LY86: variants seen among roughly 807,000 people sequenced by gnomAD.
LY86 encodes the protein lymphocyte antigen 86.
In LY86, 20 loss-of-function variants were observed where a neutral mutation model predicts 17.3. That is an observed-to-expected ratio of 1.15 (90% CI 0.81 to 1.68). The LOEUF is 1.68. Ranked by LOEUF, LY86 falls within the 40% of genes most tolerant of loss-of-function variation. The pLI is 0.00. For missense variants in LY86, 200 were observed against 191.9 expected (o/e 1.04, Z -0.25); for synonymous variants, 74 against 70.6 (o/e 1.05, Z -0.24).
intron 3 of LY86, among the ~76,000 whole-genome samples, chr6:6,639,104 T>G (rs1000194144): frequency 4.6e-5 from 7 of 152,066 alleles, no homozygotes; most frequent in Non-Finnish European, 8.8e-5. Flanking sequence ...CCATAAAAAA[T>G]GATGAGTTCA....
rs575579322 is a variant in LY86 at position 6,650,634 on chromosome 6, C to T, written c.405+957C>T. 1.1e-4 allele frequency among the ~76,000 whole-genome samples: 17 copies of T among 152,188 alleles called. No individual in the cohort carries two copies. The East Asian group carries it at 3.3e-3, about 29-fold the overall frequency. On this transcript the variant is annotated intron_variant, in intron 4 of 4. Coordinates refer to ENST00000230568, the MANE Select transcript of LY86 (RefSeq NM_004271.4). ...AGGCCCCTCAGAGAATCTTATGGAA[C>T]AATATGAAAAGGATCACAAAAATGT...
At chr6:6,637,616 C>G (rs530024764) in intron 3 of LY86, among the ~76,000 whole-genome samples, 8 of 152,284 alleles carry the variant, frequency 5.3e-5, no homozygotes, top group Admixed American at 5.2e-4. Context: ...CACGACTCCC[C>G]CACATCACCC....
chr6:6,649,213 C>T (rs745842494), intron 3 of LY86, among the ~76,000 whole-genome samples: 11 of 152,206 alleles, frequency 7.2e-5, no homozygotes, highest in South Asian at 2.1e-4. Context: ...GCGACTTATT[C>T]ACTATCGTGA....
intron 1 of LY86, among the ~76,000 whole-genome samples, chr6:6,616,669 C>G (rs1761562022): frequency 6.6e-6 from 1 of 152,240 alleles, no homozygotes; most frequent in South Asian, 2.1e-4. Flanking sequence ...CCATCATATT[C>G]CACAACATCA....
intron 1 of LY86, among the ~76,000 whole-genome samples, chr6:6,603,860 T>A (rs2113096256): frequency 6.6e-6 from 1 of 151,098 alleles, no homozygotes; most frequent in African/African-American, 2.4e-5. Context: ...AATTAAGAAA[T>A]AATAAAAGAA....
At chr6:6,606,614 C>T (rs1262900733) in intron 1 of LY86, among the ~76,000 whole-genome samples, 1 of 152,206 alleles carries the variant, frequency 6.6e-6, no homozygotes, top group Non-Finnish European at 1.5e-5. Flanking sequence ...CTAGCCCTGC[C>T]ACGCGGGGAG....
intron 1 of LY86, among the ~76,000 whole-genome samples, chr6:6,604,999 T>G (rs1338104851): frequency 2.6e-5 from 4 of 151,634 alleles, no homozygotes; most frequent in Non-Finnish European, 5.9e-5. Context: ...ACAGTATAGT[T>G]AAGTCATTCA....
At chr6:6,606,756 G>C (rs539650620) in intron 1 of LY86, among the ~76,000 whole-genome samples, 4 of 152,210 alleles carry the variant, frequency 2.6e-5, no homozygotes, top group African/African-American at 4.8e-5. Context: ...CCCGGAACTC[G>C]CGCTGGCCCG....
At chr6:6,613,609 G>C (rs1305083210) in intron 1 of LY86, among the ~76,000 whole-genome samples, 3 of 152,218 alleles carry the variant, frequency 2.0e-5, no homozygotes, top group Non-Finnish European at 2.9e-5. Flanking sequence ...GCGCCGCCCG[G>C]GTTCCCGCCT....
chr6:6,604,861 G>A (rs1444249430), intron 1 of LY86, among the ~76,000 whole-genome samples: 2 of 150,236 alleles, frequency 1.3e-5, no homozygotes, highest in African/African-American at 4.9e-5. Context: ...GGTAAAAGTT[G>A]CAAGAGAAAT....
intron 3 of LY86, among the ~76,000 whole-genome samples, chr6:6,632,092 T>A (rs1761905888): frequency 6.6e-6 from 1 of 152,190 alleles, no homozygotes; most frequent in African/African-American, 2.4e-5. Context: ...ACACTTGACC[T>A]GAGCTGCAGC....
At chr6:6,643,275 G>C (rs576892171) in intron 3 of LY86, among the ~76,000 whole-genome samples, 11 of 152,290 alleles carry the variant, frequency 7.2e-5, no homozygotes, top group Non-Finnish European at 1.6e-4. Context: ...AAAAACAACA[G>C]CGACAGATGA....
chr6:6,646,391 G>T (rs761123259), intron 3 of LY86, among the ~76,000 whole-genome samples: 6 of 152,156 alleles, frequency 3.9e-5, no homozygotes, highest in Non-Finnish European at 8.8e-5. Context: ...GCTGGGCAAG[G>T]CATCATCCTT....
intron 1 of LY86, 52 bp downstream of exon 1, chr6:6,588,922 A>G (rs1760438545): frequency 1.9e-6 from 3 of 1,584,024 alleles, no homozygotes; most frequent in African/African-American, 2.7e-5. Context: ...CAAGGCCCAC[A>G]GATGTGAGCC....
At chr6:6,619,447 A>G (rs1418424672) in intron 1 of LY86, among the ~76,000 whole-genome samples, 1 of 152,238 alleles carries the variant, frequency 6.6e-6, no homozygotes, top group African/African-American at 2.4e-5. Context: ...GTACTGTTTT[A>G]TTGAGCAGTC....
chr6:6,640,523 C>T (rs578068156), intron 3 of LY86, among the ~76,000 whole-genome samples: 26 of 152,034 alleles, frequency 1.7e-4, no homozygotes, highest in Admixed American at 5.2e-4. Flanking sequence ...AGTTTGAGAC[C>T]AGACTGGGCA....
At chr6:6,641,009 T>G (rs1447180681) in intron 3 of LY86, among the ~76,000 whole-genome samples, 1 of 152,224 alleles carries the variant, frequency 6.6e-6, no homozygotes, top group Non-Finnish European at 1.5e-5. Flanking sequence ...AACTTATGTA[T>G]AGAAAAAGTC....
In LY86 at chr6:6,590,208, C is replaced by T. The variant is rs187479012; in HGVS notation, c.136+1338C>T. 6.0e-5 allele frequency among the ~76,000 whole-genome samples: 9 copies of T among 150,186 alleles called. No homozygotes were observed. In the East Asian group the frequency reaches 1.4e-3, roughly 23 times the overall value. ...GTCCCCCCCCAGTCTGCTAGGAATA[C>T]GTTCCAAGACTCCCAGTGGATGCCT... On this transcript the variant is annotated intron_variant, in intron 1 of 4. Coordinates refer to ENST00000230568, the MANE Select transcript of LY86 (RefSeq NM_004271.4).
intron 4 of LY86, among the ~76,000 whole-genome samples, chr6:6,654,284 C>A (rs3765282): frequency 0.23 from 34,460 of 152,154 alleles, 4,232 homozygotes; most frequent in African/African-American, 0.3. Flanking sequence ...TCCAGTGCTT[C>A]CATCCACTCC....
Sources: allele counts gnomAD v4.1 joint callset (sites outside exome capture counted in the v4.1 genomes callset), GRCh38; gene constraint gnomAD v4.1.1; transcripts MANE v1.5; gene names NCBI Gene and HGNC (gene_info 2026-07-23, HGNC 2026-07-21).